The following FAM167A variants were observed in gnomAD, a reference collection of about 807,000 sequenced individuals.
FAM167A encodes the protein protein FAM167A.
Under a neutral mutation model 14.9 loss-of-function variants are expected in FAM167A, and 23 were observed. The ratio of observed to expected loss-of-function variants is 1.55; its 90% CI spans 1.11 to 2.19. The LOEUF (loss-of-function observed/expected upper bound fraction) is 2.19. FAM167A is among the 30% of genes most tolerant of loss of function. The pLI, the probability that FAM167A is intolerant of heterozygous loss-of-function variation, is 0.00. For synonymous variants in FAM167A, 174 were observed against 117.7 expected (o/e 1.48, Z -3.10); for missense variants, 401 against 281.5 (o/e 1.42, Z -3.04).
intron 1 of FAM167A, among the ~76,000 whole-genome samples, chr8:11,453,354 T>A (rs1807100900): frequency 1.3e-5 from 2 of 152,204 alleles, no homozygotes; most frequent in African/African-American, 4.8e-5. Flanking sequence ...AACATTTTAG[T>A]AACACTGTCA....
At chr8:11,463,005 G>A (rs1028213275) in intron 1 of FAM167A, among the ~76,000 whole-genome samples, 4 of 152,168 alleles carry the variant, frequency 2.6e-5, no homozygotes, top group Non-Finnish European at 4.4e-5. Context: ...AGGGAGGTGT[G>A]GTCAGGGCAG....
At chr8:11,448,597 G>A (rs959181807) in intron 1 of FAM167A, among the ~76,000 whole-genome samples, 10 of 152,176 alleles carry the variant, frequency 6.6e-5, no homozygotes, top group African/African-American at 2.2e-4. Context: ...CAAACGACAC[G>A]AAGTCAGTTG....
intron 1 of FAM167A, among the ~76,000 whole-genome samples, chr8:11,459,039 A>T (rs556832343): frequency 1.7e-4 from 26 of 152,380 alleles, no homozygotes; most frequent in Middle Eastern, 3.4e-3. Context: ...ATACTTTCTG[A>T]TAATAAAATA....
chr8:11,424,589 G>A lies in FAM167A; in HGVS notation c.429C>T (p.Arg143=), dbSNP rs1466811596. 8 of 1,614,002 alleles carry A rather than the reference G, an allele frequency of 5.0e-6. No homozygotes were observed. Among genetic ancestry groups the A allele is most frequent in the Non-Finnish European group, 6.8e-6 (8 of 1,180,024 alleles). The change falls in exon 3 of 3, where the codon CGC becomes CGT. Residue 143 remains arginine, a synonymous_variant. Coordinates refer to ENST00000284486, the MANE Select transcript of FAM167A (RefSeq NM_053279.3). ...TCAGCTTGTTGATGTCGCCACGCAGGCGCATGAGCTGTCTGGCCAGTTGCT... is the reference window on the plus strand; with the variant it reads ...TCAGCTTGTTGATGTCGCCACGCAGACGCATGAGCTGTCTGGCCAGTTGCT... ...QDQQLARQLM[R]LRGDINKLKI... is the part of the protein sequence containing the mutation.
intron 1 of FAM167A, among the ~76,000 whole-genome samples, chr8:11,455,144 G>GTA (rs1363323469): frequency 6.9e-6 from 1 of 145,084 alleles, no homozygotes; most frequent in Non-Finnish European, 1.5e-5. Flanking sequence ...GTGTGCGTGT[G>GTA]TGTGTGTGTG....
chr8:11,466,902 T>G (rs913639228), upstream of FAM167A: 1 of 152,152 alleles, frequency 6.6e-6, no homozygotes, highest in Non-Finnish European at 1.5e-5. Flanking sequence ...CCCCGGGTCC[T>G]AGCGCCCTGT....
intron 2 of FAM167A, among the ~76,000 whole-genome samples, chr8:11,439,445 G>C (rs1467384129): frequency 6.6e-6 from 1 of 152,254 alleles, no homozygotes; most frequent in South Asian, 2.1e-4. Context: ...GGCAACAGAG[G>C]GTTAACAGGG....
rs141760711 is a variant in FAM167A at position 11,464,987 on chromosome 8, G to C, written c.-398+1639C>G. Among the ~76,000 whole-genome samples, 952 of 152,274 alleles carry C rather than the reference G, an allele frequency of 6.3e-3. 10 individuals carry two copies. Among genetic ancestry groups the C allele is most frequent in the African/African-American group, 0.022 (907 of 41,538 alleles). Reference sequence around the variant, plus strand: ...AGAAATCCATGCATGTAATTGCGAGGACCAGAAGAACAGGAGCAAGTGCGC... The same window carrying C: ...AGAAATCCATGCATGTAATTGCGAGCACCAGAAGAACAGGAGCAAGTGCGC... On this transcript the variant is annotated intron_variant, in intron 1 of 2. Transcript: ENST00000284486.
At chr8:11,433,855 A>G (rs565963104) in intron 2 of FAM167A, 1 of 152,228 alleles carries the variant, frequency 6.6e-6, no homozygotes, top group South Asian at 2.1e-4. Flanking sequence ...TGAGACTCAC[A>G]GTTCTTGAAC....
chr8:11,426,690 G>A lies in FAM167A; in HGVS notation c.382-2054C>T, dbSNP rs150694093. Reference sequence around the variant, plus strand: ...GGGAAGAGGAAGAAATTTTTTAAAGGTGTAGGTAGATAAGAGACAAACGAT... The same window carrying A: ...GGGAAGAGGAAGAAATTTTTTAAAGATGTAGGTAGATAAGAGACAAACGAT... On this transcript the variant is annotated intron_variant, in intron 2 of 2. Transcript: ENST00000284486. Among the ~76,000 whole-genome samples the A allele has an allele frequency of 5.1e-3, 776 of 152,260 alleles. 5 individuals are homozygous for A. Among genetic ancestry groups the A allele is most frequent in the Middle Eastern group, 0.034 (10 of 294 alleles).
At chr8:11,447,589 G>C (rs146688580) in intron 1 of FAM167A, among the ~76,000 whole-genome samples, 1 of 152,192 alleles carries the variant, frequency 6.6e-6, no homozygotes, top group Admixed American at 6.5e-5. Flanking sequence ...AGAGGCAGGC[G>C]GGATCACCCC....
intron 2 of FAM167A, among the ~76,000 whole-genome samples, chr8:11,435,862 C>T (rs919076481): frequency 3.9e-5 from 6 of 152,258 alleles, no homozygotes; most frequent in Admixed American, 2.6e-4. Flanking sequence ...CCCATATCCA[C>T]ACACTTTGTA....
chr8:11,443,777 G>C, intron 2 of FAM167A: 1 of 490,556 alleles, frequency 2.0e-6, no homozygotes. Flanking sequence ...ATGGGTTCAG[G>C]TTCTGCCAGA....
intron 2 of FAM167A, chr8:11,438,670 G>C: frequency 2.6e-6 from 1 of 382,628 alleles, no homozygotes; most frequent in Non-Finnish European, 5.1e-6. Flanking sequence ...TTCCTTTCCT[G>C]GTTCTTTTGT....
rs1464865208 is a variant in FAM167A, at chr8:11,456,149, G to A, written c.-398+10477C>T. On this transcript the variant is annotated intron_variant, in intron 1 of 2. Coordinates refer to ENST00000284486, the MANE Select transcript of FAM167A (RefSeq NM_053279.3). ...TGGTTGCCTTGCTGTGTGTGTGTGT[G>A]AATGTGGGGGGTGGTTGCCTTGCTG... 2.3e-3 allele frequency among the ~76,000 whole-genome samples: 138 copies of A among 59,888 alleles called. 3 individuals are homozygous for A. Among genetic ancestry groups the A allele is most frequent in the African/African-American group, 7.6e-3 (131 of 17,156 alleles). The allele number at this position is 59,888 out of a possible 152,430, so 39.3% of individuals were successfully genotyped here.
In FAM167A at chr8:11,424,340, C is replaced by T. The variant is rs202235860; in HGVS notation, c.*33G>A. ...TGACACCCCTCCAGCCCAAGCCCTC[C>T]GCTCCAGCCCCTCCGCCCAGTCTGA... On this transcript the variant is annotated 3_prime_UTR_variant, in exon 3 of 3. Transcript: ENST00000284486. The T allele has an allele frequency of 4.8e-5, 78 of 1,608,730 alleles. No individual in the cohort carries two copies. Among genetic ancestry groups the T allele is most frequent in the Admixed American group, 2.3e-4 (14 of 59,916 alleles).
chr8:11,463,698 A>T (rs1807631134), intron 1 of FAM167A, among the ~76,000 whole-genome samples: 1 of 152,164 alleles, frequency 6.6e-6, no homozygotes, highest in Non-Finnish European at 1.5e-5. Context: ...CCACCTTTGG[A>T]TCAGGATGCC....
chr8:11,465,434 G>C (rs1156655236), intron 1 of FAM167A, among the ~76,000 whole-genome samples: 1 of 152,194 alleles, frequency 6.6e-6, no homozygotes, highest in Non-Finnish European at 1.5e-5. Flanking sequence ...GAGTCTCCTT[G>C]AAGACTGATG....
At chr8:11,469,337 C>G (rs919963926), upstream of FAM167A, among the ~76,000 whole-genome samples, 3 of 152,210 alleles carry the variant, frequency 2.0e-5, no homozygotes, top group Non-Finnish European at 2.9e-5. Flanking sequence ...TCAAGAAACA[C>G]TACTCAAAAG....
Sources: gnomAD v4.1 joint callset for allele counts (sites outside exome capture counted in the v4.1 genomes callset) on GRCh38, gnomAD v4.1.1 for gene constraint, MANE v1.5 for transcripts, NCBI Gene and HGNC (gene_info 2026-07-23, HGNC 2026-07-21) for gene names.